The following ADD3 variants were observed in gnomAD, a reference collection of about 807,000 sequenced individuals.
ADD3 encodes adducin 3.
Under a neutral mutation model 80.2 loss-of-function variants are expected in ADD3, and 25 were observed. The observed-to-expected ratio is 0.31, with a 90% CI of 0.23 to 0.44. The LOEUF is 0.44. ADD3 is among the 20% of genes least tolerant of loss of function. The pLI, the probability that ADD3 is intolerant of heterozygous loss-of-function variation, is 1.00. For synonymous variants in ADD3, 284 were observed against 289.6 expected (o/e 0.98, Z 0.20); for missense variants, 829 against 847.5 (o/e 0.98, Z 0.27).
chr10:110,055,619 A>G (rs550681953), intron 1 of ADD3, among the ~76,000 whole-genome samples: 19 of 152,326 alleles, frequency 1.2e-4, no homozygotes, highest in African/African-American at 1.7e-4. Context: ...TGGCAGCTCA[A>G]TTGTCTAAGA....
At position 110,073,918 on chromosome 10, in the gene ADD3, C is replaced by CT. The variant is rs113294116; in HGVS notation, c.-29-26695dup. ...CCTGATTTAAACAGTTTAGACAGACCTTTTTTTTTTTTCCTTAGCCAGTCT... is the reference window on the plus strand; with the variant it reads ...CCTGATTTAAACAGTTTAGACAGACCTTTTTTTTTTTTTCCTTAGCCAGTCT... On this transcript the variant is annotated intron_variant, in intron 1 of 14. Coordinates refer to ENST00000356080, the MANE Select transcript of ADD3 (RefSeq NM_016824.5). 9.2e-4 allele frequency among the ~76,000 whole-genome samples: 134 copies of CT among 146,028 alleles called. 1 individual carries two copies. In the Middle Eastern group the frequency reaches 0.011, roughly 12 times the overall value.
At chr10:110,069,306 G>T (rs756379731) in intron 1 of ADD3, among the ~76,000 whole-genome samples, 1 of 152,026 alleles carries the variant, frequency 6.6e-6, no homozygotes, top group Non-Finnish European at 1.5e-5. Flanking sequence ...TTGTACTTCA[G>T]TGTGGAAGCA....
At chr10:110,094,302 A>G (rs1014090117) in intron 1 of ADD3, among the ~76,000 whole-genome samples, 2 of 152,206 alleles carry the variant, frequency 1.3e-5, no homozygotes, top group Non-Finnish European at 2.9e-5. Flanking sequence ...GCTAATAAAC[A>G]TCATTATTAT....
chr10:110,119,716 G>A (rs1262843152), intron 8 of ADD3, 152 bp downstream of exon 8: 1 of 614,250 alleles, frequency 1.6e-6, no homozygotes, highest in Admixed American at 3.3e-5. Context: ...TTTCAACTCA[G>A]TTATCTCTTG....
intron 1 of ADD3, among the ~76,000 whole-genome samples, chr10:110,059,759 ACT>A (rs1445493634): frequency 6.6e-6 from 1 of 152,106 alleles, no homozygotes; most frequent in Non-Finnish European, 1.5e-5. Flanking sequence ...ACAGAGCGAG[ACT>A]CTGTCTCAAA....
At chr10:110,052,390 C>T (rs1012934590) in intron 1 of ADD3, among the ~76,000 whole-genome samples, 1 of 152,166 alleles carries the variant, frequency 6.6e-6, no homozygotes, top group Non-Finnish European at 1.5e-5. Context: ...TGAGCATAAC[C>T]ACCTGAGCTC....
rs1052955873 is a variant in ADD3, at chr10:110,034,707, G to A, written c.-30+26408G>A. On this transcript the variant is annotated intron_variant, in intron 1 of 14. Coordinates refer to ENST00000356080, the MANE Select transcript of ADD3 (RefSeq NM_016824.5). ...TATATTCTCTAATCTGAATATAAAG[G>A]GTTTTAAACATTTCTTTGCTTTCCA... Among the ~76,000 whole-genome samples, 14 of 151,994 alleles carry A rather than the reference G, an allele frequency of 9.2e-5. No homozygotes were observed. In the South Asian group the frequency reaches 1.0e-3, roughly 11 times the overall value.
At chr10:110,009,030 G>A (rs986533949) in intron 1 of ADD3, among the ~76,000 whole-genome samples, 44 of 152,152 alleles carry the variant, frequency 2.9e-4, no homozygotes, top group African/African-American at 9.4e-4. Flanking sequence ...AGCATAATCT[G>A]GGCCTCTTTT....
At chr10:110,086,068 G>A (rs1431645874) in intron 1 of ADD3, among the ~76,000 whole-genome samples, 3 of 151,982 alleles carry the variant, frequency 2.0e-5, no homozygotes, top group East Asian at 1.9e-4. Context: ...TCATGCCATC[G>A]CACTCCAGCC....
intron 3 of ADD3, among the ~76,000 whole-genome samples, chr10:110,113,378 C>T (rs1850298745): frequency 1.3e-5 from 2 of 152,168 alleles, no homozygotes; most frequent in African/African-American, 2.4e-5. Flanking sequence ...AGCGATTCTC[C>T]TGCCTCAGCC....
chr10:110,029,566 A>G (rs1313302354), intron 1 of ADD3, among the ~76,000 whole-genome samples: 1 of 152,240 alleles, frequency 6.6e-6, no homozygotes, highest in Non-Finnish European at 1.5e-5. Context: ...AAGCATGGAG[A>G]GTTCTGAATA....
At chr10:110,071,385 A>C (rs925981155) in intron 1 of ADD3, among the ~76,000 whole-genome samples, 2 of 152,222 alleles carry the variant, frequency 1.3e-5, no homozygotes, top group African/African-American at 2.4e-5. Context: ...ATTTAAGAGG[A>C]TAGATCTCAT....
Position 110,125,956 on chromosome 10 carries a change from G to A in ADD3, c.1521+11G>A. 1.3e-6 allele frequency: 2 copies of A among 1,597,180 alleles called. No individual in the cohort carries two copies. The highest frequency in any genetic ancestry group is 1.7e-6 in the Non-Finnish European group (2 of 1,169,088). ...GAAAAGAGAAATAAGGTAAGACATG[G>A]TCTTCTATAGCCAGGGGAGACATTT... On this transcript the variant is annotated intron_variant, in intron 11 of 14. Coordinates refer to ENST00000356080, the MANE Select transcript of ADD3 (RefSeq NM_016824.5).
At chr10:110,036,493 C>T (rs1589816583) in intron 1 of ADD3, among the ~76,000 whole-genome samples, 1 of 151,136 alleles carries the variant, frequency 6.6e-6, no homozygotes, top group East Asian at 2.0e-4. Context: ...CATTCTCCTG[C>T]CTCAGCCTCC....
chr10:110,049,119 G>A (rs1397552363), intron 1 of ADD3, among the ~76,000 whole-genome samples: 1 of 152,226 alleles, frequency 6.6e-6, no homozygotes, highest in African/African-American at 2.4e-5. Flanking sequence ...GAGGGTGCAA[G>A]CCCCAACCTT....
chr10:110,094,218 G>A (rs1847890754), intron 1 of ADD3, among the ~76,000 whole-genome samples: 1 of 152,012 alleles, frequency 6.6e-6, no homozygotes, highest in South Asian at 2.1e-4. Flanking sequence ...ATGGCGTGAT[G>A]GGTCTGTTTT....
At chr10:110,079,617 G>A (rs1338107563) in intron 1 of ADD3, among the ~76,000 whole-genome samples, 14 of 151,562 alleles carry the variant, frequency 9.2e-5, no homozygotes, top group Non-Finnish European at 1.6e-4. Context: ...GTATAGTGGC[G>A]CGATCTTGGC....
chr10:110,019,099 T>C (rs1283294569), intron 1 of ADD3, among the ~76,000 whole-genome samples: 1 of 152,240 alleles, frequency 6.6e-6, no homozygotes, highest in African/African-American at 2.4e-5. Flanking sequence ...GTTTGCCTAA[T>C]GCTAGAGCAT....
chr10:110,003,755 G>C (rs1851534301), upstream of ADD3, among the ~76,000 whole-genome samples: 1 of 152,114 alleles, frequency 6.6e-6, no homozygotes, highest in African/African-American at 2.4e-5. Flanking sequence ...TTCCTGTTGA[G>C]ATTTGTGGCT....
Sources: allele counts gnomAD v4.1 joint callset (sites outside exome capture counted in the v4.1 genomes callset), GRCh38; gene constraint gnomAD v4.1.1; transcripts MANE v1.5; gene names NCBI Gene and HGNC (gene_info 2026-07-23, HGNC 2026-07-21).